The following CSMD1 variants were observed in gnomAD, a reference collection of about 807,000 sequenced individuals.
The protein encoded by CSMD1 is CUB and Sushi multiple domains 1.
A neutral mutation model predicts 417.5 loss-of-function variants in CSMD1; 213 were observed. The ratio of observed to expected loss-of-function variants is 0.51; its 90% CI spans 0.46 to 0.57. The LOEUF (loss-of-function observed/expected upper bound fraction) is 0.57. CSMD1 is among the 20% of genes least tolerant of loss of function. The pLI is 0.00. For missense variants in CSMD1, 6,923 were observed against 4,529.7 expected, an observed-to-expected ratio of 1.53 and a Z score of -15.17; for synonymous variants, 2,862 against 1,736.8, an observed-to-expected ratio of 1.65 and a Z score of -16.11.
chr8:4,676,509 G>A (rs760913938), intron 1 of CSMD1, among the ~76,000 whole-genome samples: 2 of 152,010 alleles, frequency 1.3e-5, no homozygotes, highest in Non-Finnish European at 2.9e-5. Context: ...TTTGCCTTCC[G>A]AATATATCTC....
intron 25 of CSMD1, among the ~76,000 whole-genome samples, chr8:3,288,244 G>C (rs1028438103): frequency 6.8e-6 from 1 of 147,146 alleles, no homozygotes; most frequent in East Asian, 2.0e-4. Context: ...TGTTCATCAG[G>C]GATATTGGTC....
chr8:4,108,126 G>T (rs893195887), intron 3 of CSMD1, among the ~76,000 whole-genome samples: 1 of 151,880 alleles, frequency 6.6e-6, no homozygotes, highest in Non-Finnish European at 1.5e-5. Flanking sequence ...AGGAGGAGGA[G>T]GGTAGGGAAG....
chr8:4,900,973 T>C (rs998574092), intron 1 of CSMD1, among the ~76,000 whole-genome samples: 4 of 152,210 alleles, frequency 2.6e-5, no homozygotes, highest in African/African-American at 9.7e-5. Flanking sequence ...TTAATAAATA[T>C]ATTTGAATGA....
chr8:4,117,446 A>ATT (rs2130930101), intron 3 of CSMD1, among the ~76,000 whole-genome samples: 1 of 152,150 alleles, frequency 6.6e-6, no homozygotes, highest in Admixed American at 6.5e-5. Flanking sequence ...GCATGCTGCA[A>ATT]TTTCAGGGTT....
intron 41 of CSMD1, among the ~76,000 whole-genome samples, chr8:3,133,371 C>T (rs1289689609): frequency 6.6e-6 from 1 of 152,204 alleles, no homozygotes; most frequent in Non-Finnish European, 1.5e-5. Context: ...AGAGCCTCCC[C>T]TTTACAATCG....
intron 1 of CSMD1, among the ~76,000 whole-genome samples, chr8:4,990,395 C>G (rs1023021303): frequency 6.6e-6 from 1 of 151,026 alleles, no homozygotes; most frequent in African/African-American, 2.4e-5. Flanking sequence ...TGGAGCTTAG[C>G]TTTTGTTGCC....
At chr8:4,102,801 G>A (rs536495645) in intron 3 of CSMD1, among the ~76,000 whole-genome samples, 236 of 152,242 alleles carry the variant, frequency 1.6e-3, no homozygotes, top group African/African-American at 5.3e-3. Context: ...TTCTCCTTCA[G>A]CAGTTGTGTG....
At chr8:4,700,721 C>T (rs1055779044) in intron 1 of CSMD1, among the ~76,000 whole-genome samples, 3 of 152,120 alleles carry the variant, frequency 2.0e-5, no homozygotes, top group African/African-American at 7.2e-5. Flanking sequence ...AAAATTATAT[C>T]CATAAAGTCA....
chr8:4,573,443 C>T (rs1798982007), intron 2 of CSMD1, among the ~76,000 whole-genome samples: 1 of 152,084 alleles, frequency 6.6e-6, no homozygotes, highest in African/African-American at 2.4e-5. Context: ...GGGGTGTCAC[C>T]AGTGGAGGCT....
intron 12 of CSMD1, among the ~76,000 whole-genome samples, chr8:3,438,899 T>C (rs1814751585): frequency 6.6e-6 from 1 of 151,468 alleles, no homozygotes; most frequent in Admixed American, 6.6e-5. Context: ...GTGGATCACC[T>C]GAGGTTAGGA....
chr8:4,193,244 C>T (rs1326409903), intron 3 of CSMD1, among the ~76,000 whole-genome samples: 1 of 152,106 alleles, frequency 6.6e-6, no homozygotes, highest in Admixed American at 6.5e-5. Context: ...AAAACCTTAA[C>T]GACAGGGTAT....
rs548390729 is a variant in CSMD1, at chr8:4,844,458, T to G, written c.85+149874A>C. On this transcript the variant is annotated intron_variant, in intron 1 of 69. Transcript: ENST00000635120. ...ATTTTCGATTTTTCTTTACTCAGCA[T>G]AATGCCATCTTTTTGCTCATAACAG... Among the ~76,000 whole-genome samples the G allele has an allele frequency of 2.6e-5, 4 of 152,288 alleles. No homozygotes were observed. The South Asian group carries it at 8.3e-4, about 32-fold the overall frequency.
rs1218929792 is a variant in CSMD1 at position 3,392,255 on chromosome 8, T to TA, written c.2593+3938dup. The stretch of plus-strand genomic sequence containing the variant: ...ATGTACCCTAAAACTTAAAGTATAA[T>TA]AAAAAAATAAAATAAATAAAAATTG... On this transcript the variant is annotated intron_variant, in intron 17 of 69. Transcript: ENST00000635120. Among the ~76,000 whole-genome samples, 5 of 151,672 alleles carry TA rather than the reference T, an allele frequency of 3.3e-5. No individual in the cohort carries two copies. The East Asian group carries it at 5.9e-4, about 18-fold the overall frequency.
intron 10 of CSMD1, among the ~76,000 whole-genome samples, chr8:3,560,345 T>C (rs962051334): frequency 6.6e-6 from 1 of 152,172 alleles, no homozygotes; most frequent in African/African-American, 2.4e-5. Flanking sequence ...CCTATCATTA[T>C]CATCACCACA....
intron 6 of CSMD1, among the ~76,000 whole-genome samples, chr8:3,715,671 T>C (rs1463713633): frequency 6.6e-6 from 1 of 152,126 alleles, no homozygotes; most frequent in Non-Finnish European, 1.5e-5. Flanking sequence ...GCCTCCTGAG[T>C]AGCCGGGATT....
chr8:4,000,985 A>T (rs1443399599), intron 4 of CSMD1, among the ~76,000 whole-genome samples: 1 of 152,226 alleles, frequency 6.6e-6, no homozygotes, highest in East Asian at 1.9e-4. Context: ...GAAACTACAT[A>T]CATTCTTCAT....
At chr8:3,423,839 G>T (rs567610307) in intron 12 of CSMD1, among the ~76,000 whole-genome samples, 1 of 152,094 alleles carries the variant, frequency 6.6e-6, no homozygotes, top group South Asian at 2.1e-4. Flanking sequence ...CTCACAACTG[G>T]GATGGTGGAA....
At chr8:4,426,197 A>G (rs928078401) in intron 2 of CSMD1, among the ~76,000 whole-genome samples, 5 of 151,968 alleles carry the variant, frequency 3.3e-5, no homozygotes, top group Non-Finnish European at 1.5e-5. Context: ...GAATCTGTGA[A>G]TTAAGAAGCC....
chr8:3,725,697 C>T (rs1308742371), intron 6 of CSMD1, among the ~76,000 whole-genome samples: 1 of 148,278 alleles, frequency 6.7e-6, no homozygotes, highest in East Asian at 2.0e-4. Flanking sequence ...GCAGCCACCA[C>T]TGCAATGAGA....
Sources: allele counts gnomAD v4.1 joint callset (sites outside exome capture counted in the v4.1 genomes callset), GRCh38; gene constraint gnomAD v4.1.1; transcripts MANE v1.5; gene names NCBI Gene and HGNC (gene_info 2026-07-23, HGNC 2026-07-21).